The following MMP16 variants were observed in gnomAD, a reference collection of about 807,000 sequenced individuals.
MMP16 encodes matrix metalloproteinase-16.
In MMP16, 12 loss-of-function variants were observed where a neutral mutation model predicts 67.8. That is an observed-to-expected ratio of 0.18 (90% CI 0.11 to 0.29). The LOEUF (loss-of-function observed/expected upper bound fraction) is 0.29, where lower values mean the gene tolerates loss of function less well. MMP16 is among the 10% of genes least tolerant of loss of function. The probability of loss-of-function intolerance (pLI) is 1.00; values close to 1 mark genes in which losing one functional copy is unlikely to be tolerated. For missense variants in MMP16, 475 were observed against 765.7 expected (o/e 0.62, Z 4.48); for synonymous variants, 249 against 255.9 (o/e 0.97, Z 0.26).
chr8:88,283,542 T>C (rs1270140996), intron 1 of MMP16, among the ~76,000 whole-genome samples: 1 of 152,162 alleles, frequency 6.6e-6, no homozygotes, highest in Non-Finnish European at 1.5e-5. Flanking sequence ...TATGCCTCCC[T>C]TCCTATCTCA....
chr8:88,080,877 A>G (rs746031853), intron 6 of MMP16, among the ~76,000 whole-genome samples: 1 of 152,208 alleles, frequency 6.6e-6, no homozygotes, highest in Non-Finnish European at 1.5e-5. Flanking sequence ...AGCTATATAC[A>G]TAATAAGGAG....
At chr8:88,215,352 A>G (rs1809574653) in intron 1 of MMP16, among the ~76,000 whole-genome samples, 2 of 151,688 alleles carry the variant, frequency 1.3e-5, no homozygotes, top group African/African-American at 4.8e-5. Flanking sequence ...TGAATCTAAG[A>G]GCATTTTTTA....
At chr8:88,146,494 G>A (rs1464966007) in intron 4 of MMP16, among the ~76,000 whole-genome samples, 4 of 151,690 alleles carry the variant, frequency 2.6e-5, no homozygotes, top group Non-Finnish European at 3.0e-5. Flanking sequence ...CATATATTTT[G>A]TTTTTGAACC....
intron 3 of MMP16, among the ~76,000 whole-genome samples, chr8:88,169,978 T>C (rs1051742232): frequency 1.4e-4 from 21 of 152,148 alleles, no homozygotes; most frequent in Admixed American, 9.8e-4. Context: ...AGGGCAAGAT[T>C]TGAGGCAGGA....
chr8:88,107,224 A>G (rs983039995), intron 6 of MMP16, among the ~76,000 whole-genome samples: 7 of 151,160 alleles, frequency 4.6e-5, no homozygotes, highest in African/African-American at 1.7e-4. Context: ...TTATACATTT[A>G]CATTTTTCTA....
intron 6 of MMP16, among the ~76,000 whole-genome samples, chr8:88,115,247 A>G (rs1158261723): frequency 6.6e-6 from 1 of 152,074 alleles, no homozygotes; most frequent in East Asian, 1.9e-4. Flanking sequence ...CTTTGAGTTC[A>G]TTTCAACTAG....
chr8:88,215,118 G>A (rs186222871), intron 1 of MMP16, among the ~76,000 whole-genome samples: 1 of 152,224 alleles, frequency 6.6e-6, no homozygotes, highest in Non-Finnish European at 1.5e-5. Flanking sequence ...GAGGTCAGGG[G>A]TTCAAGAGCA....
At chr8:88,185,509 A>G (rs1809059611) in intron 3 of MMP16, among the ~76,000 whole-genome samples, 1 of 152,334 alleles carries the variant, frequency 6.6e-6, no homozygotes, top group South Asian at 2.1e-4. Context: ...TTATATAAGT[A>G]GAAAACCAAT....
chr8:88,298,961 CATT>C (rs1385392979), intron 1 of MMP16, among the ~76,000 whole-genome samples: 2 of 151,556 alleles, frequency 1.3e-5, no homozygotes, highest in African/African-American at 4.9e-5. Flanking sequence ...TCATTTCTAA[CATT>C]ATATTTATAG....
Position 88,327,033 on chromosome 8 carries a change from G to A in MMP16, c.132+42C>T, listed in dbSNP as rs759671306. The A allele has an allele frequency of 1.9e-6, 3 of 1,611,340 alleles. No homozygotes were observed. The African/African-American group carries it at 4.0e-5, about 22-fold the overall frequency. On this transcript the variant is annotated intron_variant, in intron 1 of 9. Transcript: ENST00000286614. ...AGTGAAGGAAATGTTTCAGGGAGCA[G>A]CCCAGGCAGCGGGGGGAGGAAGAAA...
At chr8:88,171,593 T>C (rs557403736) in intron 3 of MMP16, among the ~76,000 whole-genome samples, 2 of 152,252 alleles carry the variant, frequency 1.3e-5, no homozygotes, top group African/African-American at 4.8e-5. Flanking sequence ...GATAGCTGGT[T>C]AAACAAAATA....
At chr8:88,214,603 GTACATTATCTCACATA>G (rs1446403312) in intron 1 of MMP16, among the ~76,000 whole-genome samples, 1 of 152,104 alleles carries the variant, frequency 6.6e-6, no homozygotes, top group Admixed American at 6.5e-5. Flanking sequence ...TAATTAATAT[GTACATTATCTCACATA>G]TTTATCATTT....
chr8:88,287,927 A>G (rs1289148570), intron 1 of MMP16, among the ~76,000 whole-genome samples: 2 of 152,238 alleles, frequency 1.3e-5, no homozygotes, highest in Non-Finnish European at 2.9e-5. Flanking sequence ...TGTAAATGAA[A>G]GAGTAAGAGT....
At chr8:88,116,459 C>T in intron 6 of MMP16, 48 bp downstream of exon 6, 2 of 1,496,588 alleles carry the variant, frequency 1.3e-6, no homozygotes, top group Non-Finnish European at 1.9e-6. Flanking sequence ...TAAAGCAACA[C>T]TAGACACTTG....
chr8:88,067,905 A>C (rs182578137), intron 7 of MMP16, among the ~76,000 whole-genome samples: 1 of 152,278 alleles, frequency 6.6e-6, no homozygotes, highest in African/African-American at 2.4e-5. Flanking sequence ...ATTACACATA[A>C]GTTTTCATTT....
chr8:88,208,154 T>C (rs562481821), intron 1 of MMP16, among the ~76,000 whole-genome samples: 52 of 146,700 alleles, frequency 3.5e-4, no homozygotes, highest in Non-Finnish European at 5.8e-4. Flanking sequence ...GGAAAAAATA[T>C]CACAAAGAAC....
intron 1 of MMP16, among the ~76,000 whole-genome samples, chr8:88,252,629 G>T (rs1264731516): frequency 7.7e-6 from 1 of 130,292 alleles, no homozygotes; most frequent in Non-Finnish European, 1.6e-5. Context: ...CAGAAACAGG[G>T]GTTTTCCACC....
At chr8:88,268,331 G>C (rs968659291) in intron 1 of MMP16, among the ~76,000 whole-genome samples, 20 of 152,140 alleles carry the variant, frequency 1.3e-4, no homozygotes, top group Non-Finnish European at 2.6e-4. Flanking sequence ...AACAAGAATG[G>C]AACTCTGTCT....
intron 1 of MMP16, among the ~76,000 whole-genome samples, chr8:88,216,124 G>T (rs182790368): frequency 3.9e-5 from 6 of 152,212 alleles, no homozygotes; most frequent in Admixed American, 3.3e-4. Flanking sequence ...TGTCTCTGAG[G>T]TCTGAGATAA....
Sources: gnomAD v4.1 joint callset for allele counts (sites outside exome capture counted in the v4.1 genomes callset) on GRCh38, gnomAD v4.1.1 for gene constraint, MANE v1.5 for transcripts, NCBI Gene and HGNC (gene_info 2026-07-23, HGNC 2026-07-21) for gene names.